Variants in DZIP3 observed in about 807,000 individuals in gnomAD.
DZIP3 encodes DAZ interacting zinc finger protein 3, also known as E3 ubiquitin-protein ligase DZIP3.
In DZIP3, 118 loss-of-function variants were observed where a neutral mutation model predicts 162.0. The ratio of observed to expected loss-of-function variants is 0.73; its 90% confidence interval spans 0.63 to 0.85. The LOEUF (loss-of-function observed/expected upper bound fraction) is 0.85. Among genes scored for constraint, DZIP3 ranks in the 40% least tolerant of loss-of-function variants. DZIP3 has a pLI of 0.00. For missense variants in DZIP3, 1,331 were observed against 1,407.0 expected, an observed-to-expected ratio of 0.95 and a Z score of 0.86; for synonymous variants, 438 against 458.6, an observed-to-expected ratio of 0.96 and a Z score of 0.57.
intron 2 of DZIP3, among the ~76,000 whole-genome samples, chr3:108,606,517 G>T (rs970981395): frequency 1.3e-5 from 2 of 152,166 alleles, no homozygotes; most frequent in Admixed American, 6.5e-5. Context: ...ATAACTATTA[G>T]AGATTCTGTG....
chr3:108,592,626 G>C (rs1188007821), intron 1 of DZIP3, among the ~76,000 whole-genome samples: 1 of 150,638 alleles, frequency 6.6e-6, no homozygotes, highest in Non-Finnish European at 1.5e-5. Context: ...AACCTGGGAA[G>C]TCAAGGCTGC....
rs539546051 is a variant in DZIP3 at position 108,661,270 on chromosome 3, T to C, written c.2200-607T>C. Among the ~76,000 whole-genome samples, 11 of 152,276 alleles carry C rather than the reference T, an allele frequency of 7.2e-5. No individual in the cohort carries two copies. In the East Asian group the frequency reaches 1.7e-3, roughly 24 times the overall value. On this transcript the variant is annotated intron_variant, in intron 19 of 32. Transcript: ENST00000361582. ...ACAATGATAGACTGGATTAAGGAAA[T>C]GTGGCACATATACACCACGGAATAC...
chr3:108,631,043 A>ACTCTCTCTCTCT (rs1559741160), intron 8 of DZIP3, among the ~76,000 whole-genome samples: 2 of 90,234 alleles, frequency 2.2e-5, no homozygotes, highest in African/African-American at 1.0e-4. Flanking sequence ...ACACACACAC[A>ACTCTCTCTCTCT]CACACACACA....
chr3:108,600,614 G>T (rs1037998400), intron 1 of DZIP3, among the ~76,000 whole-genome samples: 1 of 152,118 alleles, frequency 6.6e-6, no homozygotes, highest in African/African-American at 2.4e-5. Context: ...CTCCTTCACA[G>T]TAGGGAATTA....
At chr3:108,641,638 A>T (rs979765116) in intron 12 of DZIP3, among the ~76,000 whole-genome samples, 1 of 152,200 alleles carries the variant, frequency 6.6e-6, no homozygotes, top group Non-Finnish European at 1.5e-5. Flanking sequence ...GTGGTTTTAC[A>T]AATGTACACT....
At chr3:108,634,819 T>C in intron 9 of DZIP3, 52 bp from the exon 10 acceptor site, 1 of 1,037,384 alleles carries the variant, frequency 9.6e-7, no homozygotes, top group South Asian at 2.0e-5. Flanking sequence ...TTTTTTTATC[T>C]ATACAAGAAT....
At chr3:108,653,328 CTAGT>C (rs1169186834) in intron 18 of DZIP3, among the ~76,000 whole-genome samples, 2 of 151,288 alleles carry the variant, frequency 1.3e-5, no homozygotes, top group Admixed American at 1.3e-4. Flanking sequence ...TTTCTATTCA[CTAGT>C]TAAATAGAGT....
At chr3:108,619,232 G>C (rs1167197293) in intron 5 of DZIP3, among the ~76,000 whole-genome samples, 3 of 151,974 alleles carry the variant, frequency 2.0e-5, no homozygotes, top group Non-Finnish European at 4.4e-5. Context: ...GAGCAGAGGA[G>C]TCCAGGGTTC....
intron 5 of DZIP3, among the ~76,000 whole-genome samples, chr3:108,620,114 G>A (rs1941249990): frequency 6.6e-6 from 1 of 152,108 alleles, no homozygotes; most frequent in South Asian, 2.1e-4. Context: ...GCCATCTGCA[G>A]GTTCCTCCAT....
Position 108,623,369 on chromosome 3 carries a change from C to T in DZIP3, c.376-1075C>T, listed in dbSNP as rs575192294. Among the ~76,000 whole-genome samples the T allele has an allele frequency of 5.9e-5, 9 of 152,210 alleles. No individual in the cohort carries two copies. The South Asian group carries it at 1.9e-3, about 32-fold the overall frequency. On this transcript the variant is annotated intron_variant, in intron 5 of 32. Transcript: ENST00000361582. ...GTTGATTATTCAGGGCCCAAGGGCTCTTTAGTCAGCAGGTAATGAACCCCG... is the reference window on the plus strand; with the variant it reads ...GTTGATTATTCAGGGCCCAAGGGCTTTTTAGTCAGCAGGTAATGAACCCCG...
At position 108,629,436 on chromosome 3, in the gene DZIP3, G is replaced by A. The variant is rs563997055; in HGVS notation, c.696+260G>A. On this transcript the variant is annotated intron_variant, in intron 8 of 32. Coordinates refer to ENST00000361582, the MANE Select transcript of DZIP3 (RefSeq NM_014648.4). ...TGCATGGTTAGAGTCAAATGTAGCTGTTAACTTTTTTTCCTAATTATCTTT... is the reference window on the plus strand; with the variant it reads ...TGCATGGTTAGAGTCAAATGTAGCTATTAACTTTTTTTCCTAATTATCTTT... Among the ~76,000 whole-genome samples the A allele has an allele frequency of 5.3e-5, 8 of 152,208 alleles. No homozygotes were observed. In the South Asian group the frequency reaches 1.7e-3, roughly 32 times the overall value.
chr3:108,657,996 A>C (rs769934907), intron 19 of DZIP3, among the ~76,000 whole-genome samples: 3 of 152,178 alleles, frequency 2.0e-5, no homozygotes, highest in Non-Finnish European at 4.4e-5. Context: ...AAAGCAAGTC[A>C]TTAAAGACCT....
At chr3:108,612,940 C>A (rs996241184) in intron 4 of DZIP3, among the ~76,000 whole-genome samples, 3 of 152,048 alleles carry the variant, frequency 2.0e-5, no homozygotes, top group African/African-American at 7.2e-5. Context: ...ACTAGTATTT[C>A]TTTAAGCTTG....
chr3:108,646,442 A>G (rs1942624761), intron 14 of DZIP3, among the ~76,000 whole-genome samples, 175 bp from the exon 15 acceptor site: 1 of 152,166 alleles, frequency 6.6e-6, no homozygotes, highest in Admixed American at 6.5e-5. Flanking sequence ...CCTTTATGTG[A>G]TAATCTAAAG....
At chr3:108,636,983 C>T (rs1055058252) in intron 11 of DZIP3, among the ~76,000 whole-genome samples, 7 of 151,830 alleles carry the variant, frequency 4.6e-5, no homozygotes, top group African/African-American at 1.5e-4. Context: ...AGGAAAATAT[C>T]GTGAACTAAG....
intron 18 of DZIP3, among the ~76,000 whole-genome samples, chr3:108,653,369 C>T (rs1269262274): frequency 6.6e-6 from 1 of 151,266 alleles, no homozygotes; most frequent in Non-Finnish European, 1.5e-5. Flanking sequence ...TAAAAATACT[C>T]CTATTCTTGT....
At chr3:108,654,464 A>C in intron 19 of DZIP3, 154 bp downstream of exon 19, 3 of 789,130 alleles carry the variant, frequency 3.8e-6, no homozygotes, top group Non-Finnish European at 6.0e-6. Context: ...GGATATATGA[A>C]GGAAAATAGA....
intron 12 of DZIP3, among the ~76,000 whole-genome samples, chr3:108,642,158 C>CT (rs1576404052): frequency 6.6e-6 from 1 of 151,816 alleles, no homozygotes; most frequent in Admixed American, 6.6e-5. Flanking sequence ...GCTTTCTTTC[C>CT]TTTTTTTTCT....
At chr3:108,624,687 A>G (rs1473312037) in intron 6 of DZIP3, among the ~76,000 whole-genome samples, 163 bp downstream of exon 6, 1 of 152,074 alleles carries the variant, frequency 6.6e-6, no homozygotes, top group East Asian at 1.9e-4. Context: ...TTCATGTAAA[A>G]TAAAAAATTA....
Sources: allele counts gnomAD v4.1 joint callset (sites outside exome capture counted in the v4.1 genomes callset), GRCh38; gene constraint gnomAD v4.1.1; transcripts MANE v1.5; gene names NCBI Gene and HGNC (gene_info 2026-07-23, HGNC 2026-07-21).